Variants in NKAIN2 observed in about 807,000 individuals in gnomAD.
NKAIN2 encodes sodium/potassium transporting ATPase interacting 2.
Under a neutral mutation model 32.6 loss-of-function variants are expected in NKAIN2, and 14 were observed. The observed-to-expected ratio is 0.43, with a 90% CI of 0.28 to 0.67. The LOEUF (loss-of-function observed/expected upper bound fraction) is 0.67, where lower values mean the gene tolerates loss of function less well. Among genes scored for constraint, NKAIN2 ranks in the 30% least tolerant of loss-of-function variants. The pLI, the probability that NKAIN2 is intolerant of heterozygous loss-of-function variation, is 0.17. For missense variants in NKAIN2, 198 were observed against 258.3 expected (o/e 0.77, Z 1.60); for synonymous variants, 80 against 87.2 (o/e 0.92, Z 0.46).
intron 3 of NKAIN2, among the ~76,000 whole-genome samples, chr6:124,638,887 CAA>C (rs35802663): frequency 1.8e-4 from 15 of 82,624 alleles, no homozygotes; most frequent in Admixed American, 4.1e-4. Context: ...GAGACTCTGT[CAA>C]AAAAAAAAAA....
At chr6:124,225,053 C>T (rs1321058104) in intron 1 of NKAIN2, among the ~76,000 whole-genome samples, 1 of 151,962 alleles carries the variant, frequency 6.6e-6, no homozygotes, top group Non-Finnish European at 1.5e-5. Context: ...TAGAATCATT[C>T]ATTCTTTCAT....
intron 1 of NKAIN2, among the ~76,000 whole-genome samples, chr6:124,264,272 G>A (rs888607179): frequency 5.9e-5 from 9 of 152,004 alleles, no homozygotes; most frequent in Admixed American, 5.2e-4. Context: ...CTTCTAGTAC[G>A]CAGATGCCTC....
At chr6:124,710,679 C>T (rs1252301398) in intron 4 of NKAIN2, among the ~76,000 whole-genome samples, 1 of 148,998 alleles carries the variant, frequency 6.7e-6, no homozygotes, top group Non-Finnish European at 1.5e-5. Flanking sequence ...TTTCCATTTG[C>T]TTGGTAGATC....
intron 3 of NKAIN2, among the ~76,000 whole-genome samples, chr6:124,537,105 T>C (rs1156335082): frequency 2.0e-5 from 3 of 152,160 alleles, no homozygotes; most frequent in African/African-American, 7.2e-5. Flanking sequence ...TTTTCTACCA[T>C]CGTCTTCAAA....
At chr6:124,706,587 T>A (rs1775079742) in intron 4 of NKAIN2, among the ~76,000 whole-genome samples, 1 of 151,678 alleles carries the variant, frequency 6.6e-6, no homozygotes, top group South Asian at 2.1e-4. Flanking sequence ...AACTGAGAAG[T>A]TCCAAACAGG....
At chr6:123,948,864 A>C (rs1415857962) in intron 1 of NKAIN2, among the ~76,000 whole-genome samples, 1 of 151,506 alleles carries the variant, frequency 6.6e-6, no homozygotes, top group Non-Finnish European at 1.5e-5. Context: ...TGTTTCCCTT[A>C]TGTTTTATTT....
chr6:124,573,475 C>T (rs970244102), intron 3 of NKAIN2, among the ~76,000 whole-genome samples: 2 of 151,848 alleles, frequency 1.3e-5, no homozygotes, highest in African/African-American at 4.8e-5. Flanking sequence ...CATATCTTAT[C>T]TCTTTTTCTG....
chr6:124,409,357 A>T (rs1252014211), intron 3 of NKAIN2, among the ~76,000 whole-genome samples: 2 of 152,046 alleles, frequency 1.3e-5, no homozygotes, highest in Non-Finnish European at 2.9e-5. Flanking sequence ...TATTATTTTG[A>T]GATACGTCCC....
At position 124,790,858 on chromosome 6, in the gene NKAIN2, T is replaced by C. The variant is rs370505997; in HGVS notation, c.475-481T>C. 1.8e-3 allele frequency among the ~76,000 whole-genome samples: 272 copies of C among 152,196 alleles called. 9 individuals carry two copies. In the South Asian group the frequency reaches 0.054, roughly 30 times the overall value. On this transcript the variant is annotated intron_variant, in intron 4 of 6. Transcript: ENST00000368417. Reference sequence around the variant, plus strand: ...TATACTCAGTATGCCCTGGCTCCTGTTACAGATCTGCATTTTCCTTACAAA... The same window carrying C: ...TATACTCAGTATGCCCTGGCTCCTGCTACAGATCTGCATTTTCCTTACAAA...
Position 124,752,937 on chromosome 6 carries a change from G to A in NKAIN2, c.475-38402G>A, listed in dbSNP as rs143983933. 2.2e-3 allele frequency among the ~76,000 whole-genome samples: 330 copies of A among 152,124 alleles called. 2 individuals carry two copies. Among genetic ancestry groups the A allele is most frequent in the African/African-American group, 7.4e-3 (308 of 41,524 alleles). On this transcript the variant is annotated intron_variant, in intron 4 of 6. Transcript: ENST00000368417. ...AAGGAACAAAAGAAATCCAAATTTTGTATTATTCTTCCCTCTCTTTCTTGT... is the reference window on the plus strand; with the variant it reads ...AAGGAACAAAAGAAATCCAAATTTTATATTATTCTTCCCTCTCTTTCTTGT...
chr6:124,433,159 GAC>G (rs1199436192), intron 3 of NKAIN2, among the ~76,000 whole-genome samples: 1 of 152,196 alleles, frequency 6.6e-6, no homozygotes, highest in African/African-American at 2.4e-5. Context: ...ACTCTCAGAA[GAC>G]ACAGGCACTG....
intron 2 of NKAIN2, among the ~76,000 whole-genome samples, chr6:124,311,459 C>T (rs1263928032): frequency 1.3e-5 from 2 of 152,042 alleles, no homozygotes; most frequent in Non-Finnish European, 2.9e-5. Flanking sequence ...GCTTCTGGGC[C>T]ACCCTGAAAA....
intron 1 of NKAIN2, among the ~76,000 whole-genome samples, chr6:124,251,015 G>GTA (rs1793670699): frequency 6.6e-6 from 1 of 151,820 alleles, no homozygotes; most frequent in Non-Finnish European, 1.5e-5. Context: ...ATAAACACAG[G>GTA]TAAACTTTCT....
At position 124,397,527 on chromosome 6, in the gene NKAIN2, G is replaced by GT. The variant is rs71776352; in HGVS notation, c.273+42192dup. Among the ~76,000 whole-genome samples, 542 of 144,834 alleles carry GT rather than the reference G, an allele frequency of 3.7e-3. 3 individuals carry two copies. The highest frequency in any genetic ancestry group is 0.018 in the Middle Eastern group (5 of 278). On this transcript the variant is annotated intron_variant, in intron 3 of 6. Coordinates refer to ENST00000368417, the MANE Select transcript of NKAIN2 (RefSeq NM_001040214.3). ...TGATTGAGATACTGTGTCACAGAGA[G>GT]TTTTTTTTTTTTAATTATAACCAGG...
intron 1 of NKAIN2, among the ~76,000 whole-genome samples, chr6:123,861,871 T>G (rs1431916749): frequency 6.6e-6 from 1 of 152,200 alleles, no homozygotes; most frequent in African/African-American, 2.4e-5. Context: ...TATCAAAATG[T>G]TATTTGTACT....
intron 2 of NKAIN2, among the ~76,000 whole-genome samples, chr6:124,308,736 T>C (rs971058418): frequency 6.6e-6 from 1 of 152,164 alleles, no homozygotes; most frequent in Non-Finnish European, 1.5e-5. Context: ...ATTTCCCTTC[T>C]TAAGTATATT....
intron 3 of NKAIN2, among the ~76,000 whole-genome samples, chr6:124,472,242 ATATC>A (rs1033492146): frequency 1.3e-5 from 2 of 152,312 alleles, no homozygotes; most frequent in Admixed American, 1.3e-4. Context: ...TTTTGGAAAA[ATATC>A]TAAGTGGTTT....
intron 3 of NKAIN2, among the ~76,000 whole-genome samples, chr6:124,555,042 C>T (rs1257916273): frequency 6.6e-6 from 1 of 152,188 alleles, no homozygotes; most frequent in African/African-American, 2.4e-5. Flanking sequence ...CACTAGGACC[C>T]TCGGACAACT....
At chr6:123,922,587 G>T (rs1277782883) in intron 1 of NKAIN2, among the ~76,000 whole-genome samples, 1 of 152,040 alleles carries the variant, frequency 6.6e-6, no homozygotes, top group African/African-American at 2.4e-5. Context: ...GTTTTGGGGT[G>T]GGGAAAGGGC....
Sources: allele counts gnomAD v4.1 joint callset (sites outside exome capture counted in the v4.1 genomes callset), GRCh38; gene constraint gnomAD v4.1.1; transcripts MANE v1.5; gene names NCBI Gene and HGNC (gene_info 2026-07-23, HGNC 2026-07-21).